SHANK1: variants seen among roughly 807,000 people sequenced by gnomAD.
The protein encoded by SHANK1 is SH3 and multiple ankyrin repeat domains 1, also known as SH3 and multiple ankyrin repeat domains protein 1.
Under a neutral mutation model 165.6 loss-of-function variants are expected in SHANK1, and 35 were observed. That is an observed-to-expected ratio of 0.21 (90% CI 0.16 to 0.28). The LOEUF (loss-of-function observed/expected upper bound fraction) is 0.28, where lower values mean the gene tolerates loss of function less well. Ranked by LOEUF, SHANK1 falls within the 10% of genes least tolerant of loss-of-function variation. The pLI, the probability that SHANK1 is intolerant of heterozygous loss-of-function variation, is 1.00. For synonymous variants in SHANK1, 1,428 were observed against 1,384.8 expected (o/e 1.03, Z -0.69); for missense variants, 2,681 against 3,036.4 (o/e 0.88, Z 2.75).
In SHANK1 at chr19:50,697,139, G is replaced by C; in HGVS notation, c.1938-17C>G. The C allele has an allele frequency of 1.2e-6, 2 of 1,613,340 alleles. No homozygotes were observed. The highest frequency in any genetic ancestry group is 2.2e-5 in the South Asian group (2 of 91,050). On this transcript the variant is annotated splice_polypyrimidine_tract_variant and intron_variant, in intron 14 of 23. Transcript: ENST00000293441. This position sits in a 1 kb window ranked among gnomAD's most constrained non-coding sequence, Gnocchi z 4.7. The stretch of plus-strand genomic sequence containing the variant: ...TCCATTAAGCTTCCGAAGCAAGTCA[G>C]CCAGCAGCCAGGGAGGGGAAAGGTG...
Position 50,703,992 on chromosome 19 carries a change from T to C in SHANK1, c.1222+128A>G, listed in dbSNP as rs551387043. 814 of 957,412 alleles carry C rather than the reference T, an allele frequency of 8.5e-4. 3 individuals carry two copies. Among genetic ancestry groups the C allele is most frequent in the East Asian group, 5.4e-3 (222 of 41,118 alleles). 59.3% of individuals were successfully genotyped at this position (957,412 alleles called of 1,614,324 possible). On this transcript the variant is annotated intron_variant, in intron 10 of 23. Coordinates refer to ENST00000293441, the MANE Select transcript of SHANK1 (RefSeq NM_016148.5). ...TTGCTCCCCCACCACCATCCAGACA[T>C]TTTTGGTCCTCTAGGGTTTTCTCCA...
intron 21 of SHANK1, among the ~76,000 whole-genome samples, chr19:50,685,299 T>C (rs1267930808): frequency 6.6e-6 from 1 of 152,218 alleles, no homozygotes; most frequent in Non-Finnish European, 1.5e-5. Context: ...GGCAGGACCA[T>C]GGGTTCAGAG....
At chr19:50,699,390 T>TG (rs1018747283) in intron 12 of SHANK1, among the ~76,000 whole-genome samples, 40 of 152,260 alleles carry the variant, frequency 2.6e-4, no homozygotes, top group African/African-American at 9.1e-4. Flanking sequence ...GATTGGAAGT[T>TG]GGGGTCAGAG....
chr19:50,689,071 G>C (rs1269794745), intron 16 of SHANK1, 103 bp from the exon 17 acceptor site: 4 of 1,117,770 alleles, frequency 3.6e-6, no homozygotes, highest in Non-Finnish European at 4.0e-6. Flanking sequence ...CCGCAGCTGA[G>C]GGACCAGCAC....
chr19:50,669,318 C>G, intron 22 of SHANK1, 33 bp from the exon 23 acceptor site: 1 of 1,480,284 alleles, frequency 6.8e-7, no homozygotes, highest in Non-Finnish European at 9.3e-7. Flanking sequence ...GGAGGGGGAC[C>G]CTGGCGGGGA....
Position 50,711,645 on chromosome 19 carries a change from C to G in SHANK1, c.961-158G>C, listed in dbSNP as rs114460381. ...TAGCCCCGCTTCCTGCTCTGGGACC[C>G]AGGCTGTCAGCCTCAAAACCCAAAT... On this transcript the variant is annotated intron_variant, in intron 7 of 23. Coordinates refer to ENST00000293441, the MANE Select transcript of SHANK1 (RefSeq NM_016148.5). 4.5e-3 allele frequency among the ~76,000 whole-genome samples: 682 copies of G among 152,320 alleles called. 4 individuals carry two copies. Among genetic ancestry groups the G allele is most frequent in the African/African-American group, 0.016 (654 of 41,572 alleles).
At position 50,660,046 on chromosome 19, in the gene SHANK1, G is replaced by A. The variant is rs1307124415; in HGVS notation, c.*1919C>T. On this transcript the variant is annotated 3_prime_UTR_variant, in exon 24 of 24. Coordinates refer to ENST00000293441, the MANE Select transcript of SHANK1 (RefSeq NM_016148.5). Reference sequence around the variant, plus strand: ...CATGGACGGAGCGCCCCCCCCTCTCGGGGGTAGGGGGCAGCAGAGGGGGAA... The same window carrying A: ...CATGGACGGAGCGCCCCCCCCTCTCAGGGGTAGGGGGCAGCAGAGGGGGAA... Among the ~76,000 whole-genome samples the A allele has an allele frequency of 1.3e-5, 2 of 150,920 alleles. No individual in the cohort carries two copies. Among genetic ancestry groups the A allele is most frequent in the Non-Finnish European group, 3.0e-5 (2 of 67,594 alleles).
At chr19:50,707,821 GC>G (rs2088957268) in intron 8 of SHANK1, among the ~76,000 whole-genome samples, 1 of 152,054 alleles carries the variant, frequency 6.6e-6, no homozygotes, top group South Asian at 2.1e-4. Context: ...GTCTGTGTAT[GC>G]CCGTGCTGCT....
Position 50,716,215 on chromosome 19 carries a change from G to A in SHANK1, c.459+60C>T, listed in dbSNP as rs554674434. 3.4e-4 allele frequency: 513 copies of A among 1,507,184 alleles called. 6 individuals are homozygous for A. In the South Asian group the frequency reaches 5.1e-3, roughly 15 times the overall value. 93.4% of individuals were successfully genotyped at this position (1,507,184 alleles called of 1,614,324 possible). On this transcript the variant is annotated intron_variant, in intron 3 of 23. Coordinates refer to ENST00000293441, the MANE Select transcript of SHANK1 (RefSeq NM_016148.5). The surrounding 1 kb of genome is among the most constrained non-coding windows in gnomAD (Gnocchi z 8.4). ...TCGAGTGTGTTAAAAAGTGGGTGGG[G>A]GGCAGATGTGTTTTAGGGCATGCCT...
Position 50,669,075 on chromosome 19 carries a change from AG to A in SHANK1, c.2884del (p.Leu962SerfsTer381). On this transcript the variant is annotated frameshift_variant, in exon 23 of 24. Coordinates refer to ENST00000293441, the MANE Select transcript of SHANK1 (RefSeq NM_016148.5). LOFTEE classifies it high-confidence loss of function. ...GPFNPGSGGP[L>X]PASSPASFDG... ...AAAGGATGCAGGGGAGGAGGCGGGG[AG>A]GGGGCCACCAGAGCCAGGGTTGAAG... 2 of 1,081,448 alleles carry A rather than the reference AG, an allele frequency of 1.8e-6. No homozygotes were observed. Among genetic ancestry groups the A allele is most frequent in the Non-Finnish European group, 2.5e-6 (2 of 812,404 alleles). 67.0% of individuals were successfully genotyped at this position (1,081,448 alleles called of 1,614,324 possible).
Position 50,668,013 on chromosome 19 carries a change from C to T in SHANK1, c.3947G>A (p.Gly1316Asp), listed in dbSNP as rs534920931. The change falls in exon 23 of 24, where the codon GGT (glycine) becomes GAT (aspartate). Residue 1316 changes from glycine to aspartate, a missense_variant. Gly to Asp is a moderately conservative substitution (Grantham distance 94). Transcript: ENST00000293441. ...SGAGYGGYGAGSRAYGGGGGS... is the reference protein window; with the variant it reads ...SGAGYGGYGADSRAYGGGGGS... ...CCCGCCACCCCCGTAGGCTCGGCTACCGGCCCCGTAGCCGCCGTAGCCCGC... is the reference window on the plus strand; with the variant it reads ...CCCGCCACCCCCGTAGGCTCGGCTATCGGCCCCGTAGCCGCCGTAGCCCGC... The T allele has an allele frequency of 2.0e-3, 3,000 of 1,475,096 alleles. 4 individuals carry two copies. The highest frequency in any genetic ancestry group is 2.2e-3 in the Middle Eastern group (11 of 4,894). 91.4% of individuals were successfully genotyped at this position (1,475,096 alleles called of 1,614,324 possible). A position where few individuals can be genotyped will look rare whatever the true frequency, so the allele number is the denominator to read the frequency against.
intron 12 of SHANK1, among the ~76,000 whole-genome samples, chr19:50,700,755 T>C (rs1163199550): frequency 1.3e-5 from 2 of 152,070 alleles, no homozygotes; most frequent in African/African-American, 4.8e-5. Flanking sequence ...CCCATGGTCC[T>C]CTGCCTGCCC....
rs1392251476 is a variant in SHANK1, at chr19:50,703,120, G to A, written c.1553+380C>T. Reference sequence around the variant, plus strand: ...GCTTCCTGACCCCGGAATGTCCCCCGCCCCTTCCTCATCCTCCCTCCAGAG... The same window carrying A: ...GCTTCCTGACCCCGGAATGTCCCCCACCCCTTCCTCATCCTCCCTCCAGAG... On this transcript the variant is annotated intron_variant, in intron 11 of 23. Transcript: ENST00000293441. Among the ~76,000 whole-genome samples the A allele has an allele frequency of 4.2e-5, 5 of 118,548 alleles. No individual in the cohort carries two copies. The East Asian group carries it at 6.3e-4, about 15-fold the overall frequency. The allele number at this position is 118,548 out of a possible 152,430, so 77.8% of individuals were successfully genotyped here.
In SHANK1 at chr19:50,697,909, G is replaced by A. The variant is rs1285568957; in HGVS notation, c.1795C>T (p.Arg599Cys). 6.2e-6 allele frequency: 10 copies of A among 1,614,074 alleles called. No individual in the cohort carries two copies. Among genetic ancestry groups the A allele is most frequent in the East Asian group, 2.2e-5 (1 of 44,882 alleles). The change falls in exon 13 of 24, where the codon CGT becomes TGT. Residue 599 changes from arginine to cysteine, a missense_variant. By Grantham distance (180) the Arg-to-Cys change is radical. This residue lies in a region of SHANK1 where 147 missense variants were observed against 256.5 expected (regional missense o/e 0.57). Coordinates refer to ENST00000293441, the MANE Select transcript of SHANK1 (RefSeq NM_016148.5). The surrounding 1 kb of genome is among the most constrained non-coding windows in gnomAD (Gnocchi z 4.7). ...GGFWEGQVKG[R>C]VGWFPSDCLE... is the part of the protein sequence containing the mutation. ...CAGTCAGAGGGGAACCAGCCAACACGACCTTTGACCTGGCCTTCCCAGAAG... is the reference window on the plus strand; with the variant it reads ...CAGTCAGAGGGGAACCAGCCAACACAACCTTTGACCTGGCCTTCCCAGAAG...
chr19:50,680,713 T>G (rs1453345906), intron 21 of SHANK1, among the ~76,000 whole-genome samples: 1 of 150,922 alleles, frequency 6.6e-6, no homozygotes, highest in Non-Finnish European at 1.5e-5. Flanking sequence ...TGGAGTGCAG[T>G]GGCGCGATCT....
At chr19:50,696,414 C>T (rs1568439068) in intron 15 of SHANK1, among the ~76,000 whole-genome samples, 1 of 151,906 alleles carries the variant, frequency 6.6e-6, no homozygotes, top group Non-Finnish European at 1.5e-5. Flanking sequence ...TTTCTCTGTC[C>T]CCCCCATCCC....
Position 50,666,227 on chromosome 19 carries a change from A to G in SHANK1, c.5733T>C (p.Tyr1911=), listed in dbSNP as rs1393914758. 14 of 1,607,694 alleles carry G rather than the reference A, an allele frequency of 8.7e-6. No homozygotes were observed. Among genetic ancestry groups the G allele is most frequent in the Non-Finnish European group, 1.2e-5 (14 of 1,177,702 alleles). The change falls in exon 23 of 24, where the codon TAT becomes TAC. Residue 1911 remains tyrosine, a synonymous_variant. Coordinates refer to ENST00000293441, the MANE Select transcript of SHANK1 (RefSeq NM_016148.5). The part of the protein sequence containing the change: ...GGDSHHGGAS[Y]VPERTSSLQR... ...GCAGGGAGGAGGTCCTCTCGGGGAC[A>G]TAGCTGGCTCCCCCGTGGTGGCTGT...
intron 7 of SHANK1, 102 bp from the exon 8 acceptor site, chr19:50,711,589 C>T (rs575037806): frequency 4.3e-5 from 35 of 820,818 alleles, no homozygotes; most frequent in South Asian, 1.5e-4. Context: ...CTCATCCTAT[C>T]GTTCACCGCA....
intron 23 of SHANK1, among the ~76,000 whole-genome samples, chr19:50,663,326 C>T (rs1276601024): frequency 6.6e-6 from 1 of 151,932 alleles, no homozygotes; most frequent in East Asian, 1.9e-4. Context: ...AGAGAAGAAA[C>T]AAGGGGAGAA....
Sources: allele counts gnomAD v4.1 joint callset (sites outside exome capture counted in the v4.1 genomes callset), GRCh38; gene constraint gnomAD v4.1.1; regional missense constraint gnomAD v4.1.1; non-coding constraint Gnocchi (gnomAD v3.1); transcripts MANE v1.5; gene names NCBI Gene and HGNC (gene_info 2026-07-23, HGNC 2026-07-21).